MEP1A: variants seen among roughly 807,000 people sequenced by gnomAD.
The protein encoded by MEP1A is N-benzoyl-L-tyrosyl-P-amino-benzoic acid hydrolase subunit alpha.
Under a neutral mutation model 84.5 loss-of-function variants are expected in MEP1A, and 68 were observed. The observed-to-expected ratio is 0.80, with a 90% CI of 0.66 to 0.98. The LOEUF is 0.98. Ranked by LOEUF, MEP1A falls within the 50% of genes least tolerant of loss-of-function variation. MEP1A has a pLI of 0.00. For synonymous variants in MEP1A, 337 were observed against 336.8 expected, an observed-to-expected ratio of 1.00 and a Z score of -0.01; for missense variants, 887 against 919.9, an observed-to-expected ratio of 0.96 and a Z score of 0.46.
At position 46,825,426 on chromosome 6, in the gene MEP1A, C is replaced by A. The variant is rs201836483; in HGVS notation, c.711C>A (p.Ser237=). 2.2e-5 allele frequency: 35 copies of A among 1,613,848 alleles called. No homozygotes were observed. Among genetic ancestry groups the A allele is most frequent in the Non-Finnish European group, 2.8e-5 (33 of 1,179,862 alleles). The change falls in exon 8 of 14, where the codon TCC becomes TCA. Residue 237 remains serine (S), a synonymous_variant. Coordinates refer to ENST00000230588, the MANE Select transcript of MEP1A (RefSeq NM_005588.3). ...CAGCCAAGATCCCTGAGTTTAACTC[C>A]ATTATCGGACAGCGCCTGGATTTCA... ...TITAKIPEFN[S]IIGQRLDFSA... is the part of the protein sequence containing the mutation.
chr6:46,802,693 T>G (rs1034248308), intron 5 of MEP1A, among the ~76,000 whole-genome samples: 11 of 146,850 alleles, frequency 7.5e-5, no homozygotes, highest in Middle Eastern at 3.8e-3. Flanking sequence ...TGTGGGACAC[T>G]GTAGGTTTTC....
At chr6:46,809,395 T>C (rs1392204598) in intron 5 of MEP1A, 25 bp from the exon 6 acceptor site, 1 of 1,417,618 alleles carries the variant, frequency 7.1e-7, no homozygotes, top group African/African-American at 1.4e-5. Flanking sequence ...ATAATGCTCA[T>C]TGATATTTTT....
At chr6:46,840,520 A>G (rs761080534), downstream of MEP1A, among the ~76,000 whole-genome samples, 3 of 152,214 alleles carry the variant, frequency 2.0e-5, no homozygotes, top group Non-Finnish European at 4.4e-5. Flanking sequence ...AGACACCTTG[A>G]GAACCACTGC....
chr6:46,806,237 C>T (rs1388562292), intron 5 of MEP1A, among the ~76,000 whole-genome samples: 2 of 152,010 alleles, frequency 1.3e-5, no homozygotes, highest in East Asian at 1.9e-4. Context: ...CTATCAATAA[C>T]AATTTCCTGT....
chr6:46,799,081 C>G, intron 4 of MEP1A, 25 bp from the exon 5 acceptor site: 1 of 1,542,832 alleles, frequency 6.5e-7, no homozygotes, highest in Non-Finnish European at 9.0e-7. Context: ...AGGCTTCCCA[C>G]TCACCTTTAC....
chr6:46,834,433 TTATATTTA>T (rs1196359876), intron 11 of MEP1A, 137 bp from the exon 12 acceptor site: 6 of 214,974 alleles, frequency 2.8e-5, no homozygotes, highest in Non-Finnish European at 4.7e-5. Context: ...TTTTTTATTT[TTATATTTA>T]TTTATTTATT....
chr6:46,836,158 A>T (rs2150758367), intron 13 of MEP1A, among the ~76,000 whole-genome samples: 1 of 152,302 alleles, frequency 6.6e-6, no homozygotes, highest in East Asian at 1.9e-4. Context: ...AAGCTTAGAA[A>T]GATTAAGTAA....
Position 46,839,020 on chromosome 6 carries a change from T to C in MEP1A, c.2125T>C (p.Cys709Arg), listed in dbSNP as rs1768277882. The change falls in exon 14 of 14, where the codon TGT becomes CGT. Residue 709 changes from cysteine to arginine, a missense_variant. Physicochemically the swap from Cys to Arg is radical, Grantham distance 180. Coordinates refer to ENST00000230588, the MANE Select transcript of MEP1A (RefSeq NM_005588.3). ...TGCTTTCTTCTACACGGGGGAGCGC[T>C]GTCAGGCCGTGCAGGTGCACGGCAG... is the stretch of plus-strand genomic sequence containing the variant. Reference protein sequence around the residue: ...GHAFFYTGERCQAVQVHGSVL... With the variant: ...GHAFFYTGERRQAVQVHGSVL... The C allele has an allele frequency of 6.2e-7, 1 of 1,613,694 alleles. No individual in the cohort carries two copies. Among genetic ancestry groups the C allele is most frequent in the South Asian group, 1.1e-5 (1 of 91,024 alleles).
intron 4 of MEP1A, 122 bp downstream of exon 4, chr6:46,798,768 A>G (rs773817617): frequency 8.0e-5 from 66 of 827,204 alleles, no homozygotes; most frequent in Non-Finnish European, 1.2e-4. Flanking sequence ...AATCTCATCT[A>G]TAATCTGTTC....
intron 6 of MEP1A, among the ~76,000 whole-genome samples, chr6:46,812,406 T>G (rs924395608): frequency 5.3e-5 from 8 of 152,080 alleles, no homozygotes; most frequent in African/African-American, 1.7e-4. Flanking sequence ...ATTTTATTTA[T>G]TTTTTCAAAG....
At position 46,822,627 on chromosome 6, in the gene MEP1A, TCCA is replaced by T. The variant is rs573837931; in HGVS notation, c.557-2642_557-2640del. ...GGTGCAATCTCAGCTCACTACAACC[TCCA>T]CCTCCTGGGTTCAAGCGATTCTCAT... On this transcript the variant is annotated intron_variant, in intron 7 of 13. Coordinates refer to ENST00000230588, the MANE Select transcript of MEP1A (RefSeq NM_005588.3). Among the ~76,000 whole-genome samples the T allele has an allele frequency of 2.3e-3, 355 of 152,200 alleles. 2 individuals carry two copies. Among genetic ancestry groups the T allele is most frequent in the Non-Finnish European group, 3.0e-3 (202 of 68,000 alleles).
Position 46,839,631 on chromosome 6 carries a change from T to C in MEP1A, c.*495T>C, listed in dbSNP as rs1768298269. 1 of 152,272 alleles carries C rather than the reference T, an allele frequency of 6.6e-6. No homozygotes were observed. The highest frequency in any genetic ancestry group is 2.1e-4 in the South Asian group (1 of 4,836). The allele number at this position is 152,272 out of a possible 1,614,324, so 9.4% of individuals were successfully genotyped here. On this transcript the variant is annotated 3_prime_UTR_variant, in exon 14 of 14. Coordinates refer to ENST00000230588, the MANE Select transcript of MEP1A (RefSeq NM_005588.3). ...GTTAGAATCAAATACTCATTTTTCA[T>C]TAGATACAGTAGTGTCATCACTCTT...
chr6:46,814,107 G>GC (rs1170518949), intron 6 of MEP1A, among the ~76,000 whole-genome samples: 1 of 152,148 alleles, frequency 6.6e-6, no homozygotes, highest in African/African-American at 2.4e-5. Context: ...CTCTAGCAAG[G>GC]CTGGGGAAGT....
intron 13 of MEP1A, among the ~76,000 whole-genome samples, chr6:46,837,712 T>C (rs530158684): frequency 6.6e-6 from 1 of 152,320 alleles, no homozygotes; most frequent in Admixed American, 6.5e-5. Flanking sequence ...GTTGGCAGAA[T>C]AAGTTTTTCT....
chr6:46,808,444 T>C (rs1447412701), intron 5 of MEP1A, among the ~76,000 whole-genome samples: 1 of 152,118 alleles, frequency 6.6e-6, no homozygotes, highest in African/African-American at 2.4e-5. Context: ...GGCCAATAGA[T>C]ATAAACTCTT....
At chr6:46,834,778 A>G (rs1156448462) in intron 12 of MEP1A, 27 bp downstream of exon 12, 1 of 1,501,916 alleles carries the variant, frequency 6.7e-7, no homozygotes, top group Admixed American at 1.7e-5. Context: ...TCCTGAGTAA[A>G]TAATCCTATG....
At chr6:46,837,214 G>A (rs185033668) in intron 13 of MEP1A, among the ~76,000 whole-genome samples, 101 of 152,146 alleles carry the variant, frequency 6.6e-4, no homozygotes, top group Non-Finnish European at 1.0e-3. Flanking sequence ...CCTTCACCCC[G>A]TTAATTTGTT....
chr6:46,829,486 T>C lies in MEP1A; in HGVS notation c.1059T>C (p.Ser353=). 6.2e-7 allele frequency: 1 copy of C among 1,614,144 alleles called. No homozygotes were observed. Among genetic ancestry groups the C allele is most frequent in the Non-Finnish European group, 8.5e-7 (1 of 1,180,010 alleles). ...AATTTTTCTATAAAATGACGGGAAG[T>C]CCTTCAGACAGACTCGTTGTCTGGG... ...CLQFFYKMTG[S]PSDRLVVWVR... Residue 353 remains serine, a synonymous_variant, in exon 10 of 14, where the codon AGT becomes AGC. Coordinates refer to ENST00000230588, the MANE Select transcript of MEP1A (RefSeq NM_005588.3).
In MEP1A at chr6:46,832,279, C is replaced by A. The variant is rs369604296; in HGVS notation, c.1145-795C>A. Among the ~76,000 whole-genome samples, 19 of 152,288 alleles carry A rather than the reference C, an allele frequency of 1.2e-4. No homozygotes were observed. The South Asian group carries it at 3.5e-3, about 28-fold the overall frequency. ...CACATCTCTTTGCGGAATTGAGTTG[C>A]TTTGCTTTCGCAGTTTCCTCTCTCC... On this transcript the variant is annotated intron_variant, in intron 10 of 13. Coordinates refer to ENST00000230588, the MANE Select transcript of MEP1A (RefSeq NM_005588.3).
Sources: gnomAD v4.1 joint callset for allele counts (sites outside exome capture counted in the v4.1 genomes callset) on GRCh38, gnomAD v4.1.1 for gene constraint, MANE v1.5 for transcripts, NCBI Gene and HGNC (gene_info 2026-07-23, HGNC 2026-07-21) for gene names.